The following ARHGEF10L variants were observed in gnomAD, a reference collection of about 807,000 sequenced individuals.
ARHGEF10L encodes Rho guanine nucleotide exchange factor 10 like.
A neutral mutation model predicts 141.2 loss-of-function variants in ARHGEF10L; 69 were observed. The observed-to-expected ratio is 0.49, with a 90% CI of 0.40 to 0.60. ARHGEF10L has a LOEUF of 0.60. Among genes scored for constraint, ARHGEF10L ranks in the 20% least tolerant of loss-of-function variants. The probability of loss-of-function intolerance (pLI) is 0.00; values close to 1 mark genes in which losing one functional copy is unlikely to be tolerated. For synonymous variants in ARHGEF10L, 711 were observed against 718.5 expected (o/e 0.99, Z 0.17); for missense variants, 1,482 against 1,734.3 (o/e 0.85, Z 2.58).
chr1:17,539,681 C>A (rs1021772940), upstream of ARHGEF10L, among the ~76,000 whole-genome samples: 2 of 146,790 alleles, frequency 1.4e-5, no homozygotes, highest in Non-Finnish European at 3.0e-5. This position sits in a 1 kb window ranked among gnomAD's most constrained non-coding sequence, Gnocchi z 6.0. Flanking sequence ...CGGGACCGGG[C>A]GGGCGGGGGC....
At chr1:17,634,618 T>C (rs1462291575) in intron 17 of ARHGEF10L, 56 bp downstream of exon 17, 14 of 1,600,594 alleles carry the variant, frequency 8.7e-6, no homozygotes, top group Non-Finnish European at 1.2e-5. Context: ...GGGGCTCTGG[T>C]GCCATGTGAT....
intron 26 of ARHGEF10L, among the ~76,000 whole-genome samples, chr1:17,665,221 C>T (rs934356367): frequency 4.6e-5 from 7 of 152,260 alleles, no homozygotes; most frequent in Admixed American, 1.3e-4. Context: ...TTTGGATTAT[C>T]GATTGCAATG....
intron 2 of ARHGEF10L, among the ~76,000 whole-genome samples, chr1:17,581,309 C>CAAAAAAAAAAAAAAA (rs71014975): frequency 2.9e-5 from 2 of 69,284 alleles, no homozygotes; most frequent in African/African-American, 6.1e-5. Context: ...AAGACTGTCT[C>CAAAAAAAAAAAAAAA]AAAAAAAAAA....
rs1020953365 is a variant in ARHGEF10L at position 17,639,797 on chromosome 1, GA to G, written c.2172-403del. On this transcript the variant is annotated intron_variant, in intron 20 of 28. Transcript: ENST00000361221. The surrounding 1 kb of genome is among the most constrained non-coding windows in gnomAD (Gnocchi z 4.3). ...GCAACTGTCCCATGCCAGGTGCTGG[GA>G]ACAGACCCAAGTGAGACCCATTCCT... 8.6e-6 allele frequency: 11 copies of G among 1,276,750 alleles called. No homozygotes were observed. The Admixed American group carries it at 1.1e-4, about 13-fold the overall frequency. 79.1% of individuals were successfully genotyped at this position (1,276,750 alleles called of 1,614,324 possible).
In ARHGEF10L at chr1:17,603,641, G is replaced by A. The variant is rs1473566143; in HGVS notation, c.433+50G>A. 3 of 1,498,966 alleles carry A rather than the reference G, an allele frequency of 2.0e-6. No individual in the cohort carries two copies. The highest frequency in any genetic ancestry group is 5.1e-5 in the East Asian group (2 of 39,572). The allele number at this position is 1,498,966 out of a possible 1,614,324, so 92.9% of individuals were successfully genotyped here. A position where few individuals can be genotyped will look rare whatever the true frequency, so the allele number is the denominator to read the frequency against. Reference sequence around the variant, plus strand: ...GTTTCTCTTGGGGACAGGGGAGGGAGGCTGGGACTGGGGAGGGTTGTCTCT... The same window carrying A: ...GTTTCTCTTGGGGACAGGGGAGGGAAGCTGGGACTGGGGAGGGTTGTCTCT... On this transcript the variant is annotated intron_variant, in intron 6 of 28. Transcript: ENST00000361221. The surrounding 1 kb of genome is among the most constrained non-coding windows in gnomAD (Gnocchi z 4.8).
intron 2 of ARHGEF10L, among the ~76,000 whole-genome samples, chr1:17,582,733 G>A (rs12732894): frequency 0.017 from 2,515 of 152,238 alleles, 35 homozygotes; most frequent in East Asian, 0.069. Context: ...TCTTGGCACC[G>A]TCTCAGTCTC....
chr1:17,539,316 G>C (rs1557681251), upstream of ARHGEF10L, among the ~76,000 whole-genome samples: 1 of 152,236 alleles, frequency 6.6e-6, no homozygotes, highest in Non-Finnish European at 1.5e-5. The surrounding 1 kb of genome is among the most constrained non-coding windows in gnomAD (Gnocchi z 6.0). Context: ...TCACCCTTTT[G>C]GGGGAACCTC....
At position 17,626,037 on chromosome 1, in the gene ARHGEF10L, C is replaced by T; in HGVS notation, c.1399C>T (p.Leu467Phe). ...CATCCAGAGGTTCCCACAGTTCATA[C>T]TCCTGCTTCAGGTACTGCTCAGGAT... ...KPIQRFPQFI[L>F]LLQDMLKNTP... The change falls in exon 14 of 29, where the codon CTC becomes TTC. Residue 467 changes from leucine to phenylalanine, a missense_variant. Leu to Phe is a conservative substitution (Grantham distance 22). This residue lies in a region of ARHGEF10L where 392 missense variants were observed against 542.1 expected (regional missense o/e 0.72). Coordinates refer to ENST00000361221, the MANE Select transcript of ARHGEF10L (RefSeq NM_018125.4). 1 of 1,613,958 alleles carries T rather than the reference C, an allele frequency of 6.2e-7. No individual in the cohort carries two copies. Among genetic ancestry groups the T allele is most frequent in the South Asian group, 1.1e-5 (1 of 91,082 alleles).
chr1:17,680,838 C>A (rs1375592752), intron 26 of ARHGEF10L, among the ~76,000 whole-genome samples: 1 of 147,242 alleles, frequency 6.8e-6, no homozygotes, highest in Non-Finnish European at 1.5e-5. Context: ...GGCTGAATTG[C>A]AGTGGCGTGA....
intron 1 of ARHGEF10L, among the ~76,000 whole-genome samples, chr1:17,554,720 A>G (rs2077243701): frequency 6.6e-6 from 1 of 151,806 alleles, no homozygotes; most frequent in South Asian, 2.1e-4. Context: ...GTACCGAGTA[A>G]CTGGAGCTAC....
intron 26 of ARHGEF10L, among the ~76,000 whole-genome samples, chr1:17,675,829 G>GGT (rs2102340759): frequency 1.3e-5 from 2 of 149,322 alleles, no homozygotes; most frequent in South Asian, 4.3e-4. Flanking sequence ...TGTGGGTACA[G>GGT]GTGTGTGTTC....
At chr1:17,614,982 AC>A (rs1415894054) in intron 8 of ARHGEF10L, 1 of 152,318 alleles carries the variant, frequency 6.6e-6, no homozygotes, top group Non-Finnish European at 1.5e-5. Context: ...AGTGCTCCCC[AC>A]CTTCAGCAGA....
In ARHGEF10L at chr1:17,613,202, T is replaced by C. The variant is rs1390499434; in HGVS notation, c.726+28T>C. On this transcript the variant is annotated intron_variant, in intron 8 of 28. Coordinates refer to ENST00000361221, the MANE Select transcript of ARHGEF10L (RefSeq NM_018125.4). Reference sequence around the variant, plus strand: ...ATTGTCTGTCTGTCCCCTCAAGCCCTGGATGGGGGCTGTTTCCAGCTGCAG... The same window carrying C: ...ATTGTCTGTCTGTCCCCTCAAGCCCCGGATGGGGGCTGTTTCCAGCTGCAG... 26 of 1,565,702 alleles carry C rather than the reference T, an allele frequency of 1.7e-5. No individual in the cohort carries two copies. In the Admixed American group the frequency reaches 4.4e-4, roughly 26 times the overall value.
At chr1:17,690,667 T>A (rs140833556) in intron 27 of ARHGEF10L, among the ~76,000 whole-genome samples, 217 of 152,294 alleles carry the variant, frequency 1.4e-3, no homozygotes, top group African/African-American at 4.6e-3. Flanking sequence ...GGTTCCCTCT[T>A]CCCTCAGGCC....
chr1:17,526,582 G>A, the ARHGEF10L span, among the ~76,000 whole-genome samples: 2 of 152,114 alleles, frequency 1.3e-5, no homozygotes, highest in Non-Finnish European at 2.9e-5. Flanking sequence ...TTGGCACCAG[G>A]GTTGCCCCAA....
intron 7 of ARHGEF10L, among the ~76,000 whole-genome samples, chr1:17,608,494 C>T (rs1346858297): frequency 6.6e-6 from 1 of 152,216 alleles, no homozygotes; most frequent in African/African-American, 2.4e-5. Flanking sequence ...AGCCTTCTCT[C>T]CAGGGCCTCA....
At position 17,625,598 on chromosome 1, in the gene ARHGEF10L, A is replaced by C. The variant is rs2060337524; in HGVS notation, c.1318-358A>C. ...AAGGTCCCCCTGTGCCCCGCCCCTT[A>C]CCCTAGCCCAAATCTGTCTGCATTT... On this transcript the variant is annotated intron_variant, in intron 13 of 28. Transcript: ENST00000361221. This position sits in a 1 kb window ranked among gnomAD's most constrained non-coding sequence, Gnocchi z 4.5. 6.6e-6 allele frequency among the ~76,000 whole-genome samples: 1 copy of C among 152,130 alleles called. No individual in the cohort carries two copies. The highest frequency in any genetic ancestry group is 2.1e-4 in the South Asian group (1 of 4,828).
chr1:17,588,141 G>A (rs2079182470), intron 3 of ARHGEF10L, among the ~76,000 whole-genome samples: 1 of 152,218 alleles, frequency 6.6e-6, no homozygotes, highest in South Asian at 2.1e-4. Context: ...CTGCAGGCTT[G>A]GGGACAGCGG....
chr1:17,557,787 A>G (rs999828632), intron 1 of ARHGEF10L, among the ~76,000 whole-genome samples: 2 of 152,164 alleles, frequency 1.3e-5, no homozygotes, highest in Admixed American at 6.5e-5. Flanking sequence ...CACCTGCTCT[A>G]TGGCTTGGTA....
Sources: gnomAD v4.1 joint callset for allele counts (sites outside exome capture counted in the v4.1 genomes callset) on GRCh38, gnomAD v4.1.1 for gene constraint, gnomAD v4.1.1 regional missense constraint, Gnocchi (gnomAD v3.1) non-coding constraint, MANE v1.5 for transcripts, NCBI Gene and HGNC (gene_info 2026-07-23, HGNC 2026-07-21) for gene names.